The following PRPSAP2 variants were observed in gnomAD, a reference collection of about 807,000 sequenced individuals.
PRPSAP2 encodes phosphoribosyl pyrophosphate synthase-associated protein 2.
PRPSAP2 carries 24 observed loss-of-function variants against 40.6 expected under a neutral mutation model. That is an observed-to-expected ratio of 0.59 (90% CI 0.43 to 0.83). PRPSAP2 has a LOEUF of 0.83. PRPSAP2 is among the 40% of genes least tolerant of loss of function. PRPSAP2 has a pLI of 0.00. For missense variants in PRPSAP2, 292 were observed against 465.6 expected, an observed-to-expected ratio of 0.63 and a Z score of 3.43; for synonymous variants, 149 against 164.7, an observed-to-expected ratio of 0.90 and a Z score of 0.73.
chr17:18,892,952 G>A (rs1271361027), intron 8 of PRPSAP2, among the ~76,000 whole-genome samples: 1 of 151,648 alleles, frequency 6.6e-6, no homozygotes, highest in Non-Finnish European at 1.5e-5. Context: ...TTGGAGAAAT[G>A]CCTGTTCACA....
Position 18,877,842 on chromosome 17 carries a change from A to G in PRPSAP2, c.384A>G (p.Lys128=). 6.2e-7 allele frequency: 1 copy of G among 1,612,428 alleles called. No individual in the cohort carries two copies. The highest frequency in any genetic ancestry group is 1.1e-5 in the South Asian group (1 of 90,678). Residue 128 remains lysine, a synonymous_variant, in exon 6 of 12, where the codon AAA becomes AAG. Coordinates refer to ENST00000268835, the MANE Select transcript of PRPSAP2 (RefSeq NM_002767.4). The stretch of plus-strand genomic sequence containing the variant: ...GAAAAAGAGGCTCCATTGTCTCTAA[A>G]TTGCTGGCTTCCATGATGTGCAAAG... The part of the protein sequence containing the change: ...KMRKRGSIVS[K]LLASMMCKAG...
intron 4 of PRPSAP2, among the ~76,000 whole-genome samples, chr17:18,868,047 G>A: frequency 6.6e-6 from 1 of 152,054 alleles, no homozygotes; most frequent in Non-Finnish European, 1.5e-5. Context: ...GAGGTGGAAG[G>A]ATCGCTTGAG....
intron 8 of PRPSAP2, among the ~76,000 whole-genome samples, chr17:18,900,059 G>A (rs1392152023): frequency 6.6e-6 from 1 of 151,962 alleles, no homozygotes; most frequent in East Asian, 1.9e-4. Context: ...GCTAATTTTT[G>A]TATTTTTAGT....
In PRPSAP2 at chr17:18,865,752, G is replaced by A. The variant is rs539587662; in HGVS notation, c.-32-50G>A. 3.0e-4 allele frequency: 358 copies of A among 1,192,750 alleles called. No homozygotes were observed. The African/African-American group carries it at 4.7e-3, about 16-fold the overall frequency. The allele number at this position is 1,192,750 out of a possible 1,614,324, so 73.9% of individuals were successfully genotyped here. Reference sequence around the variant, plus strand: ...TTTCCTTTAAAAAAAATTCATTCAGGTATATTTCATATCATATGGCAGTTT... The same window carrying A: ...TTTCCTTTAAAAAAAATTCATTCAGATATATTTCATATCATATGGCAGTTT... On this transcript the variant is annotated intron_variant, in intron 2 of 11. Coordinates refer to ENST00000268835, the MANE Select transcript of PRPSAP2 (RefSeq NM_002767.4).
intron 4 of PRPSAP2, among the ~76,000 whole-genome samples, chr17:18,869,471 G>A (rs1400633639): frequency 6.6e-6 from 1 of 150,464 alleles, no homozygotes; most frequent in Non-Finnish European, 1.5e-5. Context: ...CCCAGTAGCT[G>A]GTACTACAGG....
chr17:18,867,167 A>C, intron 3 of PRPSAP2, 115 bp from the exon 4 acceptor site: 3 of 1,086,008 alleles, frequency 2.8e-6, no homozygotes, highest in Non-Finnish European at 4.0e-6. Flanking sequence ...AAATTTTATA[A>C]GAAGAATAAC....
chr17:18,917,600 T>A (rs1476233942), intron 9 of PRPSAP2: 55 of 115,624 alleles, frequency 4.8e-4, no homozygotes, highest in African/African-American at 1.2e-3. Context: ...TTTTTTTTTT[T>A]TTTTTTTTTT....
At chr17:18,916,678 G>A (rs941695864) in intron 9 of PRPSAP2, among the ~76,000 whole-genome samples, 5 of 152,108 alleles carry the variant, frequency 3.3e-5, no homozygotes, top group African/African-American at 4.8e-5. Flanking sequence ...CACTGCACCC[G>A]GCCAGACTGG....
chr17:18,926,758 T>A (rs1841068476), intron 10 of PRPSAP2, among the ~76,000 whole-genome samples: 1 of 130,204 alleles, frequency 7.7e-6, no homozygotes, highest in African/African-American at 2.8e-5. Context: ...CAGCACCAGT[T>A]GTGCATGTAG....
rs1597788384 is a variant in PRPSAP2 at position 18,928,819 on chromosome 17, C to T, written c.813C>T (p.Ile271=). The T allele has an allele frequency of 6.2e-7, 1 of 1,613,836 alleles. No individual in the cohort carries two copies. The highest frequency in any genetic ancestry group is 2.2e-5 in the East Asian group (1 of 44,878). ...GGRIAIIVDD[I]IDDVDSFLAA... is the part of the protein sequence containing the mutation. ...CATCTGTGCTTTGGCAGGATGACATCATTGATGATGTTGACAGCTTTCTTG... is the reference window on the plus strand; with the variant it reads ...CATCTGTGCTTTGGCAGGATGACATTATTGATGATGTTGACAGCTTTCTTG... Residue 271 remains isoleucine (I), a synonymous_variant, in exon 11 of 12, where the codon ATC becomes ATT. Coordinates refer to ENST00000268835, the MANE Select transcript of PRPSAP2 (RefSeq NM_002767.4).
At chr17:18,902,869 C>CAAAAAAAA (rs58345106) in intron 8 of PRPSAP2, among the ~76,000 whole-genome samples, 1 of 73,310 alleles carries the variant, frequency 1.4e-5, no homozygotes, top group Non-Finnish European at 2.5e-5. Context: ...AACTCCATCT[C>CAAAAAAAA]AAAAAAAAAA....
intron 4 of PRPSAP2, among the ~76,000 whole-genome samples, chr17:18,869,843 TG>T (rs371651996): frequency 2.0e-4 from 25 of 125,914 alleles, no homozygotes; most frequent in Non-Finnish European, 2.5e-4. Context: ...ACTTTTTTTT[TG>T]TGTGTGTGTG....
intron 9 of PRPSAP2, among the ~76,000 whole-genome samples, chr17:18,923,411 T>C (rs1326301254): frequency 6.6e-6 from 1 of 152,124 alleles, no homozygotes; most frequent in African/African-American, 2.4e-5. Context: ...TGGCGTGGAA[T>C]TGCTTTCTCA....
intron 5 of PRPSAP2, among the ~76,000 whole-genome samples, chr17:18,873,191 C>CTTTTTT (rs34126027): frequency 9.2e-6 from 1 of 108,180 alleles, no homozygotes; most frequent in Non-Finnish European, 1.8e-5. Flanking sequence ...AGTAGAGGCT[C>CTTTTTT]TTTTTTTTTT....
At chr17:18,916,208 G>A (rs1195628149) in intron 9 of PRPSAP2, among the ~76,000 whole-genome samples, 3 of 151,960 alleles carry the variant, frequency 2.0e-5, no homozygotes. Context: ...TCTGTACATA[G>A]CAATACAGTC....
chr17:18,903,048 C>T (rs2040377952), intron 8 of PRPSAP2, among the ~76,000 whole-genome samples: 1 of 152,020 alleles, frequency 6.6e-6, no homozygotes, highest in Non-Finnish European at 1.5e-5. Context: ...ACTGGTAGGT[C>T]AGTTGGGTAG....
At chr17:18,866,014 C>T (rs1308010902) in intron 3 of PRPSAP2, 62 bp downstream of exon 3, 3 of 1,178,304 alleles carry the variant, frequency 2.5e-6, no homozygotes, top group Non-Finnish European at 3.3e-6. Context: ...ATTTGATAAT[C>T]AGATTAGCAG....
chr17:18,918,213 G>A (rs1030646701), intron 9 of PRPSAP2, among the ~76,000 whole-genome samples: 1 of 152,130 alleles, frequency 6.6e-6, no homozygotes, highest in African/African-American at 2.4e-5. Flanking sequence ...AAGGGGTGGG[G>A]GACTGAGCTT....
At chr17:18,875,005 A>G (rs1244649995) in intron 5 of PRPSAP2, among the ~76,000 whole-genome samples, 3 of 152,160 alleles carry the variant, frequency 2.0e-5, no homozygotes, top group African/African-American at 7.2e-5. Flanking sequence ...GGACTTCAGA[A>G]GGGTGACTGC....
Sources: allele counts gnomAD v4.1 joint callset (sites outside exome capture counted in the v4.1 genomes callset), GRCh38; gene constraint gnomAD v4.1.1; transcripts MANE v1.5; gene names NCBI Gene and HGNC (gene_info 2026-07-23, HGNC 2026-07-21).